The following ZNF284 variants were observed in gnomAD, a reference collection of about 807,000 sequenced individuals.
ZNF284 encodes zinc finger protein 284.
ZNF284 carries 12 observed loss-of-function variants against 12.9 expected under a neutral mutation model. The observed-to-expected ratio is 0.93, with a 90% CI of 0.60 to 1.51. ZNF284 has a LOEUF of 1.51. Among genes scored for constraint, ZNF284 ranks in the 40% most tolerant of loss-of-function variants. The pLI, the probability that ZNF284 is intolerant of heterozygous loss-of-function variation, is 0.00. For synonymous variants in ZNF284, 225 were observed against 236.5 expected, an observed-to-expected ratio of 0.95 and a Z score of 0.45; for missense variants, 667 against 707.3, an observed-to-expected ratio of 0.94 and a Z score of 0.65.
intron 4 of ZNF284, among the ~76,000 whole-genome samples, chr19:44,083,473 A>ATC: frequency 1.4e-5 from 1 of 69,316 alleles, no homozygotes; most frequent in Non-Finnish European, 3.3e-5. Context: ...ATATATATAT[A>ATC]TAGAGAGAGA....
chr19:44,077,055 A>T (rs1939195323), intron 2 of ZNF284, among the ~76,000 whole-genome samples: 1 of 152,130 alleles, frequency 6.6e-6, no homozygotes, highest in Admixed American at 6.5e-5. Flanking sequence ...CCCGGCCTCA[A>T]GTGGTCTGCC....
chr19:44,082,226 C>A lies in ZNF284; in HGVS notation c.235+121C>A, dbSNP rs577791207. 29 of 717,576 alleles carry A rather than the reference C, an allele frequency of 4.0e-5. No individual in the cohort carries two copies. The South Asian group carries it at 6.0e-4, about 15-fold the overall frequency. The allele number at this position is 717,576 out of a possible 1,614,324, so 44.5% of individuals were successfully genotyped here. A position where few individuals can be genotyped will look rare whatever the true frequency, so the allele number is the denominator to read the frequency against. On this transcript the variant is annotated intron_variant, in intron 4 of 4. Coordinates refer to ENST00000421176, the MANE Select transcript of ZNF284 (RefSeq NM_001037813.4). The stretch of plus-strand genomic sequence containing the variant: ...AAACCTGTTTCCTGGATTCTTACCT[C>A]CTTCCTGCTGGTTGTCCTGCTCCCC...
Position 44,082,691 on chromosome 19 carries a change from G to A in ZNF284, c.235+586G>A, listed in dbSNP as rs368649587. Reference sequence around the variant, plus strand: ...TTCACTTTAATTTACCAATCCCTAGGCACTGTCCACACTCCTTGGCTCTTG... The same window carrying A: ...TTCACTTTAATTTACCAATCCCTAGACACTGTCCACACTCCTTGGCTCTTG... On this transcript the variant is annotated intron_variant, in intron 4 of 4. Transcript: ENST00000421176. Among the ~76,000 whole-genome samples, 52 of 152,192 alleles carry A rather than the reference G, an allele frequency of 3.4e-4. No individual in the cohort carries two copies. In the South Asian group the frequency reaches 5.4e-3, roughly 16 times the overall value.
chr19:44,087,201 C>A lies in ZNF284; in HGVS notation c.1723C>A (p.Arg575Ser). Residue 575 changes from arginine to serine, a missense_variant, in exon 5 of 5, where the codon CGC becomes AGC. Arg to Ser is a moderately radical substitution (Grantham distance 110). Transcript: ENST00000421176. Reference sequence around the variant, plus strand: ...ATCCAAATGTGAGGACTGTGGGAAGCGCTACGAGAGGCGCTTGAATCTAGA... The same window carrying A: ...ATCCAAATGTGAGGACTGTGGGAAGAGCTACGAGAGGCGCTTGAATCTAGA... ...KTSKCEDCGK[R>S]YERRLNLDMI... 1 of 1,604,136 alleles carries A rather than the reference C, an allele frequency of 6.2e-7. No homozygotes were observed. The highest frequency in any genetic ancestry group is 8.5e-7 in the Non-Finnish European group (1 of 1,175,600).
chr19:44,075,706 G>A (rs1967015784), intron 1 of ZNF284, among the ~76,000 whole-genome samples: 1 of 152,114 alleles, frequency 6.6e-6, no homozygotes. Context: ...TATGGACTCA[G>A]AATTCAGTCT....
At chr19:44,081,941 C>A in intron 3 of ZNF284, 72 bp from the exon 4 acceptor site, 1 of 1,215,434 alleles carries the variant, frequency 8.2e-7, no homozygotes, top group South Asian at 1.3e-5. Context: ...TTCGAGTGTG[C>A]AGTGAGAACC....
chr19:44,086,302 G>A lies in ZNF284; in HGVS notation c.824G>A (p.Arg275Gln), dbSNP rs185184972. The change falls in exon 5 of 5, where the codon CGG becomes CAG. Residue 275 changes from arginine to glutamine, a missense_variant. Coordinates refer to ENST00000421176, the MANE Select transcript of ZNF284 (RefSeq NM_001037813.4). ...GKAFIHNSQL[R>Q]EHQRIHTGEK... ...GCCTTCATTCACAATTCCCAGCTTC[G>A]GGAACATCAAAGAATCCATACTGGG... The A allele has an allele frequency of 8.4e-4, 1,350 of 1,614,074 alleles. 4 individuals carry two copies. Among genetic ancestry groups the A allele is most frequent in the Admixed American group, 1.6e-3 (97 of 60,016 alleles).
At position 44,086,656 on chromosome 19, in the gene ZNF284, A is replaced by C. The variant is rs1436753727; in HGVS notation, c.1178A>C (p.His393Pro). 2 of 1,614,206 alleles carry C rather than the reference A, an allele frequency of 1.2e-6. No individual in the cohort carries two copies. Among genetic ancestry groups the C allele is most frequent in the Non-Finnish European group, 1.7e-6 (2 of 1,180,002 alleles). Residue 393 changes from histidine to proline, a missense_variant, in exon 5 of 5, where the codon CAC becomes CCC. Physicochemically the swap from His to Pro is moderately conservative, Grantham distance 77. Coordinates refer to ENST00000421176, the MANE Select transcript of ZNF284 (RefSeq NM_001037813.4). ...TGTCTTTCAAGACATCAGCGGGTCCACAATGGAGAAACAACATTCAAGTGC... is the reference window on the plus strand; with the variant it reads ...TGTCTTTCAAGACATCAGCGGGTCCCCAATGGAGAAACAACATTCAAGTGC... ...SSCLSRHQRVHNGETTFKCDG... is the reference protein window; with the variant it reads ...SSCLSRHQRVPNGETTFKCDG...
chr19:44,083,474 T>TATATATAGAGAGAGAGAG (rs746837013), intron 4 of ZNF284, among the ~76,000 whole-genome samples: 1 of 64,926 alleles, frequency 1.5e-5, no homozygotes, highest in African/African-American at 5.0e-5. Context: ...TATATATATA[T>TATATATAGAGAGAGAGAG]AGAGAGAGAG....
chr19:44,079,007 T>A (rs958694951), intron 2 of ZNF284, among the ~76,000 whole-genome samples: 1 of 151,988 alleles, frequency 6.6e-6, no homozygotes, highest in Admixed American at 6.6e-5. Flanking sequence ...CCAAGGCTGG[T>A]CTCGAACTCC....
Position 44,086,911 on chromosome 19 carries a change from C to T in ZNF284, c.1433C>T (p.Thr478Ile), listed in dbSNP as rs751372884. 13 of 1,613,992 alleles carry T rather than the reference C, an allele frequency of 8.1e-6. No homozygotes were observed. Among genetic ancestry groups the T allele is most frequent in the South Asian group, 1.1e-5 (1 of 91,076 alleles). ...SGILRHKRLH[T>I]GEKPFKCEEC... Reference sequence around the variant, plus strand: ...ATTTTGAGACATAAGAGACTCCATACTGGAGAAAAACCATTCAAATGTGAA... The same window carrying T: ...ATTTTGAGACATAAGAGACTCCATATTGGAGAAAAACCATTCAAATGTGAA... The change falls in exon 5 of 5, where the codon ACT becomes ATT. Residue 478 changes from threonine (T) to isoleucine (I), a missense_variant. Thr to Ile is a moderately conservative substitution (Grantham distance 89, BLOSUM62 -1). Coordinates refer to ENST00000421176, the MANE Select transcript of ZNF284 (RefSeq NM_001037813.4).
In ZNF284 at chr19:44,088,917, C is replaced by T. The variant is rs569949650; in HGVS notation, c.*1657C>T. Reference sequence around the variant, plus strand: ...CTCCCTGCAGCCTTGACCTCCCAGGCTCAAGAAATCCTTCTGCCTCAGCCC... The same window carrying T: ...CTCCCTGCAGCCTTGACCTCCCAGGTTCAAGAAATCCTTCTGCCTCAGCCC... On this transcript the variant is annotated 3_prime_UTR_variant, in exon 5 of 5. Transcript: ENST00000421176. The T allele has an allele frequency of 6.6e-6, 1 of 151,434 alleles. No individual in the cohort carries two copies. Among genetic ancestry groups the T allele is most frequent in the Admixed American group, 6.6e-5 (1 of 15,166 alleles). The allele number at this position is 151,434 out of a possible 1,614,324, so 9.4% of individuals were successfully genotyped here. A position where few individuals can be genotyped will look rare whatever the true frequency, so the allele number is the denominator to read the frequency against.
chr19:44,073,996 T>G (rs1271391630), intron 1 of ZNF284, among the ~76,000 whole-genome samples: 2 of 152,206 alleles, frequency 1.3e-5, no homozygotes, highest in Non-Finnish European at 2.9e-5. Context: ...CTAGTGAACT[T>G]ACATGTTATA....
chr19:44,075,609 T>C (rs548137566), intron 1 of ZNF284, among the ~76,000 whole-genome samples: 36 of 152,244 alleles, frequency 2.4e-4, no homozygotes, highest in Non-Finnish European at 4.1e-4. Context: ...GGGAGATACA[T>C]GATTAGTGGA....
chr19:44,079,610 G>A (rs544285372), intron 2 of ZNF284, among the ~76,000 whole-genome samples: 2 of 152,330 alleles, frequency 1.3e-5, no homozygotes, highest in Non-Finnish European at 2.9e-5. Flanking sequence ...TCGGGAGGCT[G>A]AGGCAGGAGA....
rs748032542 is a variant in ZNF284 at position 44,086,019 on chromosome 19, AG to A, written c.543del (p.Lys182ArgfsTer229). On this transcript the variant is annotated frameshift_variant, in exon 5 of 5. Coordinates refer to ENST00000421176, the MANE Select transcript of ZNF284 (RefSeq NM_001037813.4). LOFTEE classifies it low-confidence loss of function (END_TRUNC). ...GKISHTCNEY[R>X]KRFCYSSALC... ...GATATCCCATACATGTAATGAGTACAGGAAGAGATTCTGTTATAGCTCAGCT... is the reference window on the plus strand; with the variant it reads ...GATATCCCATACATGTAATGAGTACAGAAGAGATTCTGTTATAGCTCAGCT... The A allele has an allele frequency of 3.7e-6, 6 of 1,614,074 alleles. No homozygotes were observed. In the East Asian group the frequency reaches 1.1e-4, roughly 30 times the overall value.
At position 44,086,779 on chromosome 19, in the gene ZNF284, AG is replaced by A. The variant is rs775539324; in HGVS notation, c.1304del (p.Gly435AlafsTer37). ...CTGTATAAATGTCAGAAGTGTGGGA[AG>A]GGCTACATTAGTAAGTTTAATCTTG... ...EELYKCQKCGKGYISKFNLDL... is the reference protein window; with the variant it reads ...EELYKCQKCGXGYISKFNLDL... On this transcript the variant is annotated frameshift_variant, in exon 5 of 5. Coordinates refer to ENST00000421176, the MANE Select transcript of ZNF284 (RefSeq NM_001037813.4). LOFTEE classifies it low-confidence loss of function (END_TRUNC). The A allele has an allele frequency of 6.2e-7, 1 of 1,614,190 alleles. No homozygotes were observed. Among genetic ancestry groups the A allele is most frequent in the Admixed American group, 1.7e-5 (1 of 60,030 alleles).
intron 3 of ZNF284, 113 bp downstream of exon 3, chr19:44,081,254 G>T (rs1425886228): frequency 1.6e-6 from 2 of 1,278,238 alleles, no homozygotes; most frequent in East Asian, 5.7e-5. Context: ...CCCAAGACTG[G>T]GTAATTTATA....
intron 4 of ZNF284, among the ~76,000 whole-genome samples, chr19:44,083,278 A>T (rs1197799238): frequency 6.6e-6 from 1 of 151,474 alleles, no homozygotes; most frequent in Non-Finnish European, 1.5e-5. Flanking sequence ...TACTAAAAAT[A>T]TAAAAATTAG....
Sources: gnomAD v4.1 joint callset for allele counts (sites outside exome capture counted in the v4.1 genomes callset) on GRCh38, gnomAD v4.1.1 for gene constraint, MANE v1.5 for transcripts, NCBI Gene and HGNC (gene_info 2026-07-23, HGNC 2026-07-21) for gene names.